Variants in CECR2 observed in about 807,000 individuals in gnomAD.
CECR2 encodes the protein chromatin remodeling regulator CECR2.
CECR2 carries 30 observed loss-of-function variants against 154.5 expected under a neutral mutation model. That is an observed-to-expected ratio of 0.19 (90% confidence interval 0.15 to 0.26). CECR2 has a LOEUF of 0.26. Ranked by LOEUF, CECR2 falls within the 10% of genes least tolerant of loss-of-function variation. CECR2 has a pLI of 1.00. For missense variants in CECR2, 1,743 were observed against 1,829.3 expected (o/e 0.95, Z 0.86); for synonymous variants, 725 against 683.7 (o/e 1.06, Z -0.94).
chr22:17,542,331 C>G lies in CECR2; in HGVS notation c.2188C>G (p.Gln730Glu), dbSNP rs1201602380. Residue 730 changes from glutamine to glutamate, a missense_variant, in exon 16 of 19, where the codon CAG becomes GAG. Physicochemically the swap from Gln to Glu is conservative, Grantham distance 29. Transcript: ENST00000262608. ...DGSMYAPAQF[Q>E]PGFIPPRHGG... ...AAGCATGTATGCTCCAGCTCAGTTC[C>G]AGCCAGGATTCATTCCTCCCCGGCA... 1 of 1,613,304 alleles carries G rather than the reference C, an allele frequency of 6.2e-7. No homozygotes were observed. Among genetic ancestry groups the G allele is most frequent in the African/African-American group, 1.3e-5 (1 of 74,908 alleles).
In CECR2 at chr22:17,503,105, T is replaced by C; in HGVS notation, c.674T>C (p.Leu225Ser). Reference protein sequence around the residue: ...LLSEKQEENSLASEPQTRHGS... With the variant: ...LLSEKQEENSSASEPQTRHGS... The stretch of plus-strand genomic sequence containing the variant: ...AGTGAAAAGCAGGAAGAAAATTCCT[T>C]GGCATCCGAGCCACAGACAAGACAT... The change falls in exon 6 of 19, where the codon TTG (leucine) becomes TCG (serine). Residue 225 changes from leucine (L) to serine (S), a missense_variant. Around this residue, in one of 4 missense-constraint regions of CECR2, gnomAD observed 292 missense variants for 301.2 expected, o/e 0.97. Coordinates refer to ENST00000262608, the MANE Select transcript of CECR2 (RefSeq NM_001290047.2). The C allele has an allele frequency of 6.2e-7, 1 of 1,606,086 alleles. No individual in the cohort carries two copies. Among genetic ancestry groups the C allele is most frequent in the African/African-American group, 1.3e-5 (1 of 74,788 alleles).
At chr22:17,532,577 C>G (rs1404771111) in intron 9 of CECR2, among the ~76,000 whole-genome samples, 2 of 150,812 alleles carry the variant, frequency 1.3e-5, no homozygotes, top group African/African-American at 4.9e-5. Flanking sequence ...TTAGTGTCTA[C>G]AACGAAAAAT....
chr22:17,480,637 C>G (rs2055293725), intron 2 of CECR2, among the ~76,000 whole-genome samples: 2 of 152,138 alleles, frequency 1.3e-5, no homozygotes, highest in East Asian at 3.8e-4. Flanking sequence ...TACACTCGTT[C>G]TTGTCTGAAG....
At chr22:17,398,327 TACTC>T (rs1030362261) in intron 1 of CECR2, among the ~76,000 whole-genome samples, 3 of 152,144 alleles carry the variant, frequency 2.0e-5, no homozygotes, top group African/African-American at 7.2e-5. Flanking sequence ...AGATGTTGCT[TACTC>T]TTCACTGAGA....
At chr22:17,462,226 A>T (rs1175068130) in intron 1 of CECR2, among the ~76,000 whole-genome samples, 4 of 151,214 alleles carry the variant, frequency 2.6e-5, no homozygotes, top group Admixed American at 1.3e-4. Context: ...AATACGGTGA[A>T]ACCCTGTCTC....
intron 1 of CECR2, among the ~76,000 whole-genome samples, chr22:17,374,344 A>G (rs1283768570): frequency 6.6e-6 from 1 of 152,208 alleles, no homozygotes; most frequent in East Asian, 1.9e-4. Flanking sequence ...TGAAGAATCC[A>G]GCCCCTTAAT....
At chr22:17,435,836 C>A (rs1216284412) in intron 1 of CECR2, among the ~76,000 whole-genome samples, 1 of 152,154 alleles carries the variant, frequency 6.6e-6, no homozygotes, top group East Asian at 1.9e-4. Context: ...ACACACTGTA[C>A]TAAATTAGAT....
At chr22:17,415,205 C>G (rs2054138464) in intron 1 of CECR2, among the ~76,000 whole-genome samples, 1 of 152,048 alleles carries the variant, frequency 6.6e-6, no homozygotes, top group African/African-American at 2.4e-5. Flanking sequence ...ATTTTTTCAG[C>G]TGAAATGAAG....
rs575736368 is a variant in CECR2 at position 17,463,876 on chromosome 22, G to A, written c.127-13712G>A. ...GAGCAGGGAAAAGAAGAGGTCCAAG[G>A]GGTGGTTCTCCAGCAGTAGAGTTGG... is the stretch of plus-strand genomic sequence containing the variant. On this transcript the variant is annotated intron_variant, in intron 1 of 18. Transcript: ENST00000262608. Among the ~76,000 whole-genome samples the A allele has an allele frequency of 7.2e-5, 11 of 152,242 alleles. No individual in the cohort carries two copies. The East Asian group carries it at 1.2e-3, about 16-fold the overall frequency.
At chr22:17,409,284 C>G (rs2054033319) in intron 1 of CECR2, among the ~76,000 whole-genome samples, 1 of 111,780 alleles carries the variant, frequency 8.9e-6, no homozygotes, top group Admixed American at 9.5e-5. Context: ...AGGCGCCCGC[C>G]ACCACACCCA....
intron 1 of CECR2, among the ~76,000 whole-genome samples, chr22:17,405,904 A>G (rs2053977195): frequency 6.6e-6 from 1 of 152,216 alleles, no homozygotes; most frequent in Admixed American, 6.5e-5. Context: ...TGTAGAGGCC[A>G]GAGTAGACAT....
At chr22:17,416,527 A>G (rs144003453) in intron 1 of CECR2, among the ~76,000 whole-genome samples, 143 of 152,208 alleles carry the variant, frequency 9.4e-4, no homozygotes, top group Middle Eastern at 6.8e-3. Context: ...TACTGTTATT[A>G]TTATATTGTT....
At chr22:17,394,964 A>G (rs1317919577) in intron 1 of CECR2, among the ~76,000 whole-genome samples, 4 of 152,172 alleles carry the variant, frequency 2.6e-5, no homozygotes, top group African/African-American at 7.2e-5. Flanking sequence ...TTATTGAGCT[A>G]TAATTTAAAT....
chr22:17,495,634 G>C (rs897187073), intron 2 of CECR2, among the ~76,000 whole-genome samples: 1 of 150,370 alleles, frequency 6.7e-6, no homozygotes, highest in Non-Finnish European at 1.5e-5. Context: ...AGGCCGAGGC[G>C]GGTGGATCAT....
At chr22:17,550,041 A>G (rs1334773848) in intron 17 of CECR2, among the ~76,000 whole-genome samples, 1 of 152,108 alleles carries the variant, frequency 6.6e-6, no homozygotes. Context: ...GAAGGTATTA[A>G]ACTTAGAGCC....
chr22:17,518,678 G>C, intron 8 of CECR2: 2 of 445,920 alleles, frequency 4.5e-6, no homozygotes, highest in Non-Finnish European at 9.1e-6. Flanking sequence ...AGGTCTTATT[G>C]ATGAATTACT....
intron 1 of CECR2, among the ~76,000 whole-genome samples, chr22:17,412,773 C>T (rs993979920): frequency 6.6e-6 from 1 of 152,038 alleles, no homozygotes. Context: ...AGGTGGCGGG[C>T]GGCCTTCTGG....
Position 17,548,297 on chromosome 22 carries a change from G to A in CECR2, c.3010G>A (p.Glu1004Lys). The A allele has an allele frequency of 6.2e-7, 1 of 1,609,422 alleles. No homozygotes were observed. Residue 1004 changes from glutamate (E) to lysine (K), a missense_variant, in exon 17 of 19, where the codon GAG (glutamate) becomes AAG (lysine). By Grantham distance (56) the Glu-to-Lys change is moderately conservative. Around this residue, in one of 4 missense-constraint regions of CECR2, gnomAD observed 1,250 missense variants for 1,192.1 expected, o/e 1.05. Transcript: ENST00000262608. ...SPQERETVGP[E>K]LKSSSSESAD... Reference sequence around the variant, plus strand: ...ACAAGAAAGGGAAACAGTGGGCCCGGAGCTCAAAAGCAGCTCCTCCGAATC... The same window carrying A: ...ACAAGAAAGGGAAACAGTGGGCCCGAAGCTCAAAAGCAGCTCCTCCGAATC...
chr22:17,522,415 T>C (rs1601508689), intron 8 of CECR2, among the ~76,000 whole-genome samples: 1 of 152,190 alleles, frequency 6.6e-6, no homozygotes, highest in East Asian at 1.9e-4. Context: ...CAGACATTTA[T>C]TCGGGAAGCA....
Sources: allele counts gnomAD v4.1 joint callset (sites outside exome capture counted in the v4.1 genomes callset), GRCh38; gene constraint gnomAD v4.1.1; regional missense constraint gnomAD v4.1.1; transcripts MANE v1.5; gene names NCBI Gene and HGNC (gene_info 2026-07-23, HGNC 2026-07-21).